GMDS: variants seen among roughly 807,000 people sequenced by gnomAD.
GMDS encodes the protein GDP-mannose 4,6-dehydratase.
GMDS carries 20 observed loss-of-function variants against 49.9 expected under a neutral mutation model. That is an observed-to-expected ratio of 0.40 (90% CI 0.28 to 0.58). The LOEUF is 0.58. Ranked by LOEUF, GMDS falls within the 20% of genes least tolerant of loss-of-function variation. The probability of loss-of-function intolerance (pLI) is 0.42; values close to 1 mark genes in which losing one functional copy is unlikely to be tolerated. For missense variants in GMDS, 362 were observed against 481.4 expected, an observed-to-expected ratio of 0.75 and a Z score of 2.32; for synonymous variants, 177 against 178.6, an observed-to-expected ratio of 0.99 and a Z score of 0.07.
In GMDS at chr6:1,833,678, C is replaced by T. The variant is rs1465631695; in HGVS notation, c.772-91092G>A. Among the ~76,000 whole-genome samples, 1 of 152,080 alleles carries T rather than the reference C, an allele frequency of 6.6e-6. No homozygotes were observed. Among genetic ancestry groups the T allele is most frequent in the Non-Finnish European group, 1.5e-5 (1 of 68,018 alleles). ...ACATATTTTGGATGACCTAATTCTT[C>T]CAGCGAAGTTTAAAACTATAACCAA... On this transcript the variant is annotated intron_variant, in intron 7 of 10. Coordinates refer to ENST00000380815, the MANE Select transcript of GMDS (RefSeq NM_001500.4). The surrounding 1 kb of genome is among the most constrained non-coding windows in gnomAD (Gnocchi z 4.4).
chr6:1,738,074 A>G (rs1767109220), intron 8 of GMDS, among the ~76,000 whole-genome samples: 2 of 147,114 alleles, frequency 1.4e-5, no homozygotes, highest in African/African-American at 5.1e-5. Flanking sequence ...CACACATACC[A>G]CACACACACC....
At chr6:2,024,884 AATATT>A (rs1201174682) in intron 4 of GMDS, among the ~76,000 whole-genome samples, 2 of 113,442 alleles carry the variant, frequency 1.8e-5, no homozygotes, top group Non-Finnish European at 4.8e-5. Flanking sequence ...ATTAATTGAA[AATATT>A]AGTAGAAAAA....
chr6:1,674,087 T>C (rs748333121), intron 9 of GMDS, among the ~76,000 whole-genome samples: 11 of 151,962 alleles, frequency 7.2e-5, no homozygotes, highest in Non-Finnish European at 1.2e-4. Flanking sequence ...CATCGTGCTA[T>C]TTATGAAATT....
chr6:2,136,921 AAAAG>A (rs1389400170), intron 1 of GMDS, among the ~76,000 whole-genome samples: 244 of 151,592 alleles, frequency 1.6e-3, no homozygotes, highest in Non-Finnish European at 2.7e-3. Context: ...AAAAAAAAAA[AAAAG>A]AAAGAAAAAC....
rs1485327338 is a variant in GMDS at position 1,625,657 on chromosome 6, T to G, written c.988-1117A>C. Among the ~76,000 whole-genome samples, 3 of 151,698 alleles carry G rather than the reference T, an allele frequency of 2.0e-5. No individual in the cohort carries two copies. In the South Asian group the frequency reaches 6.2e-4, roughly 32 times the overall value. Reference sequence around the variant, plus strand: ...AGACTGACTGACATGAAGGTTGAGATGAGAATTTCAAGATGAATTACAAAA... The same window carrying G: ...AGACTGACTGACATGAAGGTTGAGAGGAGAATTTCAAGATGAATTACAAAA... On this transcript the variant is annotated intron_variant, in intron 9 of 10. Transcript: ENST00000380815.
intron 1 of GMDS, among the ~76,000 whole-genome samples, chr6:2,182,294 T>C (rs1778584780): frequency 6.6e-6 from 1 of 152,192 alleles, no homozygotes; most frequent in South Asian, 2.1e-4. Flanking sequence ...CTCCATAACA[T>C]GAAAGTGTAA....
intron 7 of GMDS, among the ~76,000 whole-genome samples, chr6:1,915,258 C>T (rs368373956): frequency 1.8e-4 from 28 of 152,306 alleles, no homozygotes; most frequent in Non-Finnish European, 3.7e-4. Context: ...GGGCCAGATG[C>T]AAGCATTGTC....
chr6:2,116,238 T>TAC (rs1774841608), intron 3 of GMDS, among the ~76,000 whole-genome samples: 2 of 151,784 alleles, frequency 1.3e-5, no homozygotes, highest in South Asian at 4.1e-4. Context: ...ATAACATGTA[T>TAC]ACCATCTAAA....
intron 1 of GMDS, among the ~76,000 whole-genome samples, chr6:2,242,319 C>G (rs1781649897): frequency 6.6e-6 from 1 of 152,206 alleles, no homozygotes; most frequent in Admixed American, 6.5e-5. Flanking sequence ...TTAAGAGTGG[C>G]TGGCAGAGGG....
chr6:1,903,652 T>C (rs190433294), intron 7 of GMDS, among the ~76,000 whole-genome samples: 1 of 152,352 alleles, frequency 6.6e-6, no homozygotes, highest in East Asian at 1.9e-4. Context: ...TTCTGATATA[T>C]TACATGTTCC....
chr6:1,672,988 AATT>A (rs1210472798), intron 9 of GMDS, among the ~76,000 whole-genome samples: 3 of 149,146 alleles, frequency 2.0e-5, no homozygotes, highest in Non-Finnish European at 4.4e-5. Context: ...GAGGATTGGG[AATT>A]GCGAAGTCTA....
intron 7 of GMDS, among the ~76,000 whole-genome samples, chr6:1,883,040 C>G (rs1344509119): frequency 6.6e-6 from 1 of 152,188 alleles, no homozygotes; most frequent in African/African-American, 2.4e-5. Context: ...AAGGATTACT[C>G]TTTTTGCATA....
intron 1 of GMDS, among the ~76,000 whole-genome samples, chr6:2,180,653 AAAT>A (rs1456073475): frequency 6.6e-6 from 1 of 152,200 alleles, no homozygotes. Context: ...ATAAATAAAT[AAAT>A]AAATACAGAG....
chr6:2,045,099 C>G (rs1769921370), intron 4 of GMDS, among the ~76,000 whole-genome samples: 1 of 151,896 alleles, frequency 6.6e-6, no homozygotes, highest in Admixed American at 6.6e-5. Context: ...GGTCACTAGC[C>G]TATTTAGATT....
intron 8 of GMDS, among the ~76,000 whole-genome samples, chr6:1,735,945 G>A (rs560934699): frequency 6.6e-6 from 1 of 152,186 alleles, no homozygotes; most frequent in Non-Finnish European, 1.5e-5. Flanking sequence ...GAGGAAATTA[G>A]ATGAGCAAAT....
intron 4 of GMDS, among the ~76,000 whole-genome samples, chr6:2,065,456 A>G (rs1771510490): frequency 6.6e-6 from 1 of 152,260 alleles, no homozygotes; most frequent in East Asian, 1.9e-4. Context: ...AAGGCTTCAG[A>G]CGATCAAATT....
At chr6:1,700,963 G>C (rs757648202) in intron 9 of GMDS, among the ~76,000 whole-genome samples, 67 of 152,196 alleles carry the variant, frequency 4.4e-4, no homozygotes, top group Non-Finnish European at 6.8e-4. Context: ...TAACAGTGAA[G>C]TGCAAAATCC....
At chr6:2,002,195 A>G (rs1267527725) in intron 4 of GMDS, among the ~76,000 whole-genome samples, 1 of 152,264 alleles carries the variant, frequency 6.6e-6, no homozygotes, top group Admixed American at 6.5e-5. Flanking sequence ...GAACTTATTC[A>G]TTCATTTATT....
rs1763846230 is a variant in GMDS at position 1,959,920 on chromosome 6, T to C, written c.590A>G (p.Tyr197Cys). Reference sequence around the variant, plus strand: ...AATGCCGTTCACTGCAAAGAGATTATACGCCTCACGGAAGTTCACCACAAT... The same window carrying C: ...AATGCCGTTCACTGCAAAGAGATTACACGCCTCACGGAAGTTCACCACAAT... Reference protein sequence around the residue: ...YWIVVNFREAYNLFAVNGILF... With the variant: ...YWIVVNFREACNLFAVNGILF... Residue 197 changes from tyrosine to cysteine, a missense_variant, in exon 6 of 11, where the codon TAT (tyrosine) becomes TGT (cysteine). Physicochemically the swap from Tyr to Cys is radical, Grantham distance 194. Transcript: ENST00000380815. The C allele has an allele frequency of 6.2e-7, 1 of 1,612,232 alleles. No individual in the cohort carries two copies. Among genetic ancestry groups the C allele is most frequent in the Non-Finnish European group, 8.5e-7 (1 of 1,179,196 alleles).
Sources: allele counts gnomAD v4.1 joint callset (sites outside exome capture counted in the v4.1 genomes callset), GRCh38; gene constraint gnomAD v4.1.1; non-coding constraint Gnocchi (gnomAD v3.1); transcripts MANE v1.5; gene names NCBI Gene and HGNC (gene_info 2026-07-23, HGNC 2026-07-21).